MYO18A: variants seen among roughly 807,000 people sequenced by gnomAD.
MYO18A encodes unconventional myosin-XVIIIa.
In MYO18A, 78 loss-of-function variants were observed where a neutral mutation model predicts 235.8. The ratio of observed to expected loss-of-function variants is 0.33; its 90% CI spans 0.28 to 0.40. The LOEUF (loss-of-function observed/expected upper bound fraction) is 0.40, where lower values mean the gene tolerates loss of function less well. Ranked by LOEUF, MYO18A falls within the 10% of genes least tolerant of loss-of-function variation. MYO18A has a pLI of 1.00. For synonymous variants in MYO18A, 977 were observed against 1,077.8 expected (o/e 0.91, Z 1.83); for missense variants, 2,215 against 2,699.3 (o/e 0.82, Z 3.98).
intron 37 of MYO18A, 95 bp from the exon 38 acceptor site, chr17:29,087,216 G>T: frequency 7.7e-7 from 1 of 1,306,336 alleles, no homozygotes; most frequent in Non-Finnish European, 1.1e-6. Context: ...GAGGCCTGGG[G>T]TCGAGCTCTG....
chr17:29,093,554 G>C (rs2066451459), intron 31 of MYO18A, 127 bp from the exon 32 acceptor site: 6 of 715,192 alleles, frequency 8.4e-6, no homozygotes, highest in Middle Eastern at 4.7e-4. Flanking sequence ...GATGTTGGTG[G>C]AGGGGTCAGA....
Position 29,092,896 on chromosome 17 carries a change from T to C in MYO18A, c.5032A>G (p.Ser1678Gly), listed in dbSNP as rs749265319. 1 of 1,613,962 alleles carries C rather than the reference T, an allele frequency of 6.2e-7. No individual in the cohort carries two copies. The highest frequency in any genetic ancestry group is 8.5e-7 in the Non-Finnish European group (1 of 1,179,888). ...GCAATCTCTCGCTTGCTGGGAGCAC[T>C]GTTCTTCAGGTGGTCCAGCATGAGC... is the stretch of plus-strand genomic sequence containing the variant. The part of the protein sequence containing the change: ...AQLMLDHLKN[S>G]APSKREIAQL... The change falls in exon 33 of 42, where the codon AGT becomes GGT. Residue 1678 changes from serine to glycine, a missense_variant. Physicochemically the swap from Ser to Gly is moderately conservative, Grantham distance 56. Transcript: ENST00000527372.
intron 19 of MYO18A, 66 bp from the exon 20 acceptor site, chr17:29,107,255 C>T: frequency 6.8e-7 from 1 of 1,474,230 alleles, no homozygotes; most frequent in Non-Finnish European, 9.5e-7. Flanking sequence ...CCAGTAGCCA[C>T]TGTGCCTGGG....
At chr17:29,128,605 G>T in intron 2 of MYO18A, 1 of 1,149,178 alleles carries the variant, frequency 8.7e-7, no homozygotes. Context: ...CCCATCCCAT[G>T]CAGAGGGAAT....
At chr17:29,133,846 G>C in intron 2 of MYO18A, 6 of 1,289,342 alleles carry the variant, frequency 4.7e-6, no homozygotes, top group Non-Finnish European at 6.1e-6. Flanking sequence ...TGGCGCTGAA[G>C]GTAACCTGTG....
chr17:29,099,614 G>T lies in MYO18A; in HGVS notation c.3636+20C>A. On this transcript the variant is annotated intron_variant, in intron 22 of 41. Transcript: ENST00000527372. ...GCCCATCTAGGTTGGGGAGGGGGAGGGATGTCTCTAGAGCAGCACCTTTCT... is the reference window on the plus strand; with the variant it reads ...GCCCATCTAGGTTGGGGAGGGGGAGTGATGTCTCTAGAGCAGCACCTTTCT... 1 of 1,608,540 alleles carries T rather than the reference G, an allele frequency of 6.2e-7. No individual in the cohort carries two copies. Among genetic ancestry groups the T allele is most frequent in the African/African-American group, 1.3e-5 (1 of 74,876 alleles).
At chr17:29,105,126 G>A (rs2066749301) in intron 20 of MYO18A, among the ~76,000 whole-genome samples, 1 of 149,132 alleles carries the variant, frequency 6.7e-6, no homozygotes, top group African/African-American at 2.5e-5. Context: ...GAGCTCAGAT[G>A]GCGCCACTGC....
At chr17:29,135,784 C>A (rs2067583731) in intron 2 of MYO18A, among the ~76,000 whole-genome samples, 1 of 152,262 alleles carries the variant, frequency 6.6e-6, no homozygotes, top group Non-Finnish European at 1.5e-5. Context: ...TCCTCTCTCC[C>A]TTATCACTGA....
At chr17:29,085,979 T>C (rs58277876) in intron 39 of MYO18A, among the ~76,000 whole-genome samples, 63,890 of 152,162 alleles carry the variant, frequency 0.42, 14,709 homozygotes, top group East Asian at 0.84. Flanking sequence ...GGCCTGGTGC[T>C]ACCCCGCACT....
chr17:29,115,101 T>C lies in MYO18A; in HGVS notation c.2319-2A>G, dbSNP rs2067024676. On this transcript the variant is annotated splice_acceptor_variant, in intron 13 of 41. Transcript: ENST00000527372. LOFTEE classifies it high-confidence loss of function. ...GAGTGCTGGCTGGACTTGAGAGCCC[T>C]GGATAGGGACAGCCTGGGTCAGAGC... 1 of 1,611,168 alleles carries C rather than the reference T, an allele frequency of 6.2e-7. No individual in the cohort carries two copies. Among genetic ancestry groups the C allele is most frequent in the Admixed American group, 1.7e-5 (1 of 59,800 alleles).
chr17:29,111,460 G>A lies in MYO18A; in HGVS notation c.2864C>T (p.Thr955Ile). ...WLNYTKQNPATQNAPRLLQDS... is the reference protein window; with the variant it reads ...WLNYTKQNPAIQNAPRLLQDS... ...CTGCAGGAGCCGGGGGGCATTCTGG[G>A]TGGCTGGGTTCTGCTTGGTGTAGTT... The change falls in exon 17 of 42, where the codon ACC becomes ATC. Residue 955 changes from threonine to isoleucine, a missense_variant. By Grantham distance (89) the Thr-to-Ile change is moderately conservative. Coordinates refer to ENST00000527372, the MANE Select transcript of MYO18A (RefSeq NM_078471.4). This position sits in a 1 kb window ranked among gnomAD's most constrained non-coding sequence, Gnocchi z 5.1. 1 of 1,612,452 alleles carries A rather than the reference G, an allele frequency of 6.2e-7. No individual in the cohort carries two copies. Among genetic ancestry groups the A allele is most frequent in the Non-Finnish European group, 8.5e-7 (1 of 1,179,318 alleles).
chr17:29,168,608 G>T (rs1244670175), intron 1 of MYO18A, among the ~76,000 whole-genome samples: 1 of 152,094 alleles, frequency 6.6e-6, no homozygotes, highest in Non-Finnish European at 1.5e-5. Flanking sequence ...AACCAAGCAG[G>T]GCCCTCCGGG....
chr17:29,115,673 C>T lies in MYO18A; in HGVS notation c.2218G>A (p.Asp740Asn). The change falls in exon 12 of 42, where the codon GAT (aspartate) becomes AAT (asparagine). Residue 740 changes from aspartate (D) to asparagine (N), a missense_variant. Physicochemically the swap from Asp to Asn is conservative, Grantham distance 23. Transcript: ENST00000527372. Reference protein sequence around the residue: ...RQGPEESGLGDGTGPKLSALE... With the variant: ...RQGPEESGLGNGTGPKLSALE... ...AAGGGACAAAGGGTACCTGTCCCAT[C>T]TCCCAGGCCACTCTCCTCGGGGCCC... 1 of 1,600,176 alleles carries T rather than the reference C, an allele frequency of 6.2e-7. No homozygotes were observed. The highest frequency in any genetic ancestry group is 2.2e-5 in the East Asian group (1 of 44,604).
chr17:29,107,256 T>C (rs969989031), intron 19 of MYO18A, 67 bp from the exon 20 acceptor site: 22 of 1,463,728 alleles, frequency 1.5e-5, no homozygotes, highest in Non-Finnish European at 1.9e-5. Context: ...CAGTAGCCAC[T>C]GTGCCTGGGC....
Position 29,159,248 on chromosome 17 carries a change from C to A in MYO18A, c.999+6694G>T, listed in dbSNP as rs1312225149. Among the ~76,000 whole-genome samples, 12 of 152,136 alleles carry A rather than the reference C, an allele frequency of 7.9e-5. 1 individual carries two copies. In the East Asian group the frequency reaches 2.3e-3, roughly 29 times the overall value. ...CTTCGCCCTGACAGTCCCCTGCATC[C>A]CACTACTCCACAATAGACAATCCCA... On this transcript the variant is annotated intron_variant, in intron 2 of 41. Coordinates refer to ENST00000527372, the MANE Select transcript of MYO18A (RefSeq NM_078471.4).
rs202217813 is a variant in MYO18A at position 29,111,693 on chromosome 17, A to G, written c.2740+29T>C. The stretch of plus-strand genomic sequence containing the variant: ...CCCACCTGTATGTAAGAGGAAGCAG[A>G]GGAGCTACCCTCTAGGGATGCCACC... On this transcript the variant is annotated intron_variant, in intron 16 of 41. Coordinates refer to ENST00000527372, the MANE Select transcript of MYO18A (RefSeq NM_078471.4). This position sits in a 1 kb window ranked among gnomAD's most constrained non-coding sequence, Gnocchi z 5.1. 2 of 1,612,938 alleles carry G rather than the reference A, an allele frequency of 1.2e-6. No homozygotes were observed. The highest frequency in any genetic ancestry group is 1.7e-6 in the Non-Finnish European group (2 of 1,179,426).
intron 21 of MYO18A, among the ~76,000 whole-genome samples, chr17:29,101,776 A>G (rs2066658117): frequency 6.6e-6 from 1 of 152,180 alleles, no homozygotes; most frequent in South Asian, 2.1e-4. Context: ...CAGAGACACA[A>G]TGAGAAGAGA....
intron 40 of MYO18A, among the ~76,000 whole-genome samples, chr17:29,084,110 C>T (rs1296219621): frequency 2.0e-5 from 3 of 152,168 alleles, no homozygotes; most frequent in Non-Finnish European, 4.4e-5. Flanking sequence ...GGAGCCACAC[C>T]ACCTCTCTGC....
At chr17:29,104,981 C>A (rs1223380591) in intron 20 of MYO18A, among the ~76,000 whole-genome samples, 5 of 151,808 alleles carry the variant, frequency 3.3e-5, no homozygotes, top group Non-Finnish European at 5.9e-5. Context: ...GAGATCAAGA[C>A]CATCCTGGCT....
Sources: allele counts gnomAD v4.1 joint callset (sites outside exome capture counted in the v4.1 genomes callset), GRCh38; gene constraint gnomAD v4.1.1; non-coding constraint Gnocchi (gnomAD v3.1); transcripts MANE v1.5; gene names NCBI Gene and HGNC (gene_info 2026-07-23, HGNC 2026-07-21).